Variants in PPP5C observed in about 807,000 individuals in gnomAD.
PPP5C encodes the protein serine/threonine-protein phosphatase 5.
A neutral mutation model predicts 66.7 loss-of-function variants in PPP5C; 21 were observed. The observed-to-expected ratio is 0.31, with a 90% CI of 0.22 to 0.45. The LOEUF is 0.45. Among genes scored for constraint, PPP5C ranks in the 20% least tolerant of loss-of-function variants. The pLI is 1.00. For missense variants in PPP5C, 464 were observed against 675.9 expected, an observed-to-expected ratio of 0.69 and a Z score of 3.48; for synonymous variants, 246 against 257.4, an observed-to-expected ratio of 0.96 and a Z score of 0.43.
rs921010069 is a variant in PPP5C, at chr19:46,376,993, G to C, written c.633+419G>C. Among the ~76,000 whole-genome samples, 1 of 152,194 alleles carries C rather than the reference G, an allele frequency of 6.6e-6. No homozygotes were observed. Among genetic ancestry groups the C allele is most frequent in the African/African-American group, 2.4e-5 (1 of 41,442 alleles). ...GACCTAGGAGGGCAGCTGGCCACAGGGTGTTAACTGGTTGAGTGAGACTCA... is the reference window on the plus strand; with the variant it reads ...GACCTAGGAGGGCAGCTGGCCACAGCGTGTTAACTGGTTGAGTGAGACTCA... On this transcript the variant is annotated intron_variant, in intron 4 of 12. Coordinates refer to ENST00000012443, the MANE Select transcript of PPP5C (RefSeq NM_006247.4). The surrounding 1 kb of genome is among the most constrained non-coding windows in gnomAD (Gnocchi z 5.1).
In PPP5C at chr19:46,390,521, G is replaced by A; in HGVS notation, c.*175G>A. 3 of 1,453,138 alleles carry A rather than the reference G, an allele frequency of 2.1e-6. No individual in the cohort carries two copies. The highest frequency in any genetic ancestry group is 2.7e-6 in the Non-Finnish European group (3 of 1,101,536). The allele number at this position is 1,453,138 out of a possible 1,614,324, so 90.0% of individuals were successfully genotyped here. A position where few individuals can be genotyped will look rare whatever the true frequency, so the allele number is the denominator to read the frequency against. On this transcript the variant is annotated 3_prime_UTR_variant, in exon 13 of 13. Coordinates refer to ENST00000012443, the MANE Select transcript of PPP5C (RefSeq NM_006247.4). The stretch of plus-strand genomic sequence containing the variant: ...AGAGGGGGTAGGGGCAGAGTCAGGG[G>A]CTGGCCAGAGGGTCTGCTCCCTGGA...
intron 4 of PPP5C, among the ~76,000 whole-genome samples, chr19:46,380,324 GAA>G (rs201438915): frequency 7.4e-5 from 10 of 135,594 alleles, no homozygotes; most frequent in African/African-American, 1.7e-4. Context: ...CATCTCAAAA[GAA>G]AAAAAAAAAA....
chr19:46,372,700 C>T (rs1972615357), intron 2 of PPP5C, among the ~76,000 whole-genome samples: 1 of 152,262 alleles, frequency 6.6e-6, no homozygotes, highest in Non-Finnish European at 1.5e-5. Context: ...ACTGTGGATT[C>T]ACCTGCAGTT....
chr19:46,349,572 G>A (rs1369491050), intron 1 of PPP5C, among the ~76,000 whole-genome samples: 1 of 152,126 alleles, frequency 6.6e-6, no homozygotes, highest in Non-Finnish European at 1.5e-5. Flanking sequence ...TAGAACCTTG[G>A]AAGTCAGATT....
intron 2 of PPP5C, among the ~76,000 whole-genome samples, chr19:46,354,330 G>A (rs1972246776): frequency 6.6e-6 from 1 of 152,218 alleles, no homozygotes; most frequent in Admixed American, 6.5e-5. Flanking sequence ...CGGGGTCAGT[G>A]TCCTGTGATG....
At chr19:46,364,745 G>A (rs1216302316) in intron 2 of PPP5C, among the ~76,000 whole-genome samples, 1 of 152,092 alleles carries the variant, frequency 6.6e-6, no homozygotes, top group Non-Finnish European at 1.5e-5. Flanking sequence ...GATTTGTCTG[G>A]TTCTAAATCC....
chr19:46,355,155 A>G (rs1361925927), intron 2 of PPP5C, among the ~76,000 whole-genome samples: 1 of 152,232 alleles, frequency 6.6e-6, no homozygotes, highest in East Asian at 1.9e-4. Context: ...GCCTGGCCTC[A>G]GGGCCTTATC....
chr19:46,375,345 A>G (rs2147388863), intron 2 of PPP5C, among the ~76,000 whole-genome samples: 1 of 152,378 alleles, frequency 6.6e-6, no homozygotes, highest in South Asian at 2.1e-4. Flanking sequence ...CGCAGTCCTC[A>G]GACAGGCAGT....
rs1035606650 is a variant in PPP5C, at chr19:46,380,802, A to G, written c.634-2609A>G. 2.0e-5 allele frequency among the ~76,000 whole-genome samples: 3 copies of G among 151,870 alleles called. 1 individual carries two copies. Among genetic ancestry groups the G allele is most frequent in the African/African-American group, 7.3e-5 (3 of 41,326 alleles). On this transcript the variant is annotated intron_variant, in intron 4 of 12. Transcript: ENST00000012443. The stretch of plus-strand genomic sequence containing the variant: ...AATCATTCATATCTTTGTTCTATAT[A>G]GTCTGCTTTTTTCTTCACTGGTTTT...
intron 4 of PPP5C, among the ~76,000 whole-genome samples, chr19:46,381,324 CA>C (rs1972786926): frequency 6.6e-6 from 1 of 152,152 alleles, no homozygotes; most frequent in Admixed American, 6.5e-5. Flanking sequence ...CTGATAGTTC[CA>C]TCATCTGGTT....
chr19:46,347,119 G>C lies in PPP5C; in HGVS notation c.23G>C (p.Arg8Thr), dbSNP rs564387287. 1.9e-6 allele frequency: 3 copies of C among 1,604,732 alleles called. No individual in the cohort carries two copies. Among genetic ancestry groups the C allele is most frequent in the South Asian group, 1.1e-5 (1 of 89,656 alleles). MAMAEGE[R>T]TECAEPPRDE... ...GGCATGGCGATGGCGGAGGGCGAGA[G>C]GACTGAGTGTGCTGAGCCCCCCCGG... Residue 8 changes from arginine to threonine, a missense_variant, in exon 1 of 13, where the codon AGG becomes ACG. By Grantham distance (71) the Arg-to-Thr change is moderately conservative. Around this residue, in one of 2 missense-constraint regions of PPP5C, gnomAD observed 77 missense variants for 49.9 expected, o/e 1.54. Transcript: ENST00000012443.
intron 2 of PPP5C, among the ~76,000 whole-genome samples, chr19:46,359,104 C>T (rs1470703166): frequency 6.6e-6 from 1 of 152,078 alleles, no homozygotes; most frequent in East Asian, 1.9e-4. Context: ...TGTCCCTCGT[C>T]ACTAGGAAGG....
At position 46,389,951 on chromosome 19, in the gene PPP5C, C is replaced by CCCTCTCCCTCTGTCCCTT. The variant is rs1480858972; in HGVS notation, c.1356-98_1356-81dup. 7 of 1,057,376 alleles carry CCCTCTCCCTCTGTCCCTT rather than the reference C, an allele frequency of 6.6e-6. No individual in the cohort carries two copies. In the African/African-American group the frequency reaches 9.4e-5, roughly 14 times the overall value. 65.5% of individuals were successfully genotyped at this position (1,057,376 alleles called of 1,614,324 possible). ...CTGTGTCTGTTGTGGCTCTGTCCCTCCCTCTCCCTCTGTCCCTTCTTGCCC... is the reference window on the plus strand; with the variant it reads ...CTGTGTCTGTTGTGGCTCTGTCCCTCCCTCTCCCTCTGTCCCTTCCTCTCCCTCTGTCCCTTCTTGCCC... On this transcript the variant is annotated intron_variant, in intron 11 of 12. Transcript: ENST00000012443.
Position 46,388,056 on chromosome 19 carries a change from G to A in PPP5C, c.1136-352G>A. 3.2e-6 allele frequency: 1 copy of A among 307,898 alleles called. No homozygotes were observed. The highest frequency in any genetic ancestry group is 6.1e-6 in the Non-Finnish European group (1 of 163,962). The allele number at this position is 307,898 out of a possible 1,614,324, so 19.1% of individuals were successfully genotyped here. The stretch of plus-strand genomic sequence containing the variant: ...GGGGTTCACTGGGCCCAAATCCTAT[G>A]GCGCTTTACAGGCCCCAGTGAGGAA... On this transcript the variant is annotated intron_variant, in intron 9 of 12. Transcript: ENST00000012443. This position sits in a 1 kb window ranked among gnomAD's most constrained non-coding sequence, Gnocchi z 4.9.
chr19:46,367,879 T>G (rs915192311), intron 2 of PPP5C, among the ~76,000 whole-genome samples: 2 of 152,174 alleles, frequency 1.3e-5, no homozygotes, highest in African/African-American at 2.4e-5. Flanking sequence ...TGGTGATGAA[T>G]GGAGTTTTAG....
At position 46,375,666 on chromosome 19, in the gene PPP5C, C is replaced by T. The variant is rs372807877; in HGVS notation, c.426C>T (p.Ile142=). The stretch of plus-strand genomic sequence containing the variant: ...TGAAATACCAGGAGTGCAACAAGAT[C>T]GTGAAGCAGAAGGCCTTTGAGCGGG... ...AKMKYQECNK[I]VKQKAFERAI... Residue 142 remains isoleucine, a synonymous_variant, in exon 3 of 13, where the codon ATC becomes ATT. Coordinates refer to ENST00000012443, the MANE Select transcript of PPP5C (RefSeq NM_006247.4). 2.4e-5 allele frequency: 38 copies of T among 1,613,830 alleles called. No homozygotes were observed. In the Middle Eastern group the frequency reaches 6.6e-4, roughly 28 times the overall value.
intron 1 of PPP5C, 45 bp downstream of exon 1, chr19:46,347,262 G>C: frequency 6.4e-7 from 1 of 1,558,830 alleles, no homozygotes; most frequent in Non-Finnish European, 8.7e-7. Flanking sequence ...CCAGGCTGAG[G>C]GGTGCCGGGC....
chr19:46,354,030 C>A, intron 2 of PPP5C, 41 bp downstream of exon 2: 1 of 1,601,154 alleles, frequency 6.2e-7, no homozygotes. Context: ...CTGAGCCAGG[C>A]AGATACTGAG....
intron 2 of PPP5C, 79 bp from the exon 3 acceptor site, chr19:46,375,525 C>G (rs571556366): frequency 3.8e-6 from 6 of 1,565,806 alleles, no homozygotes; most frequent in East Asian, 2.3e-5. Flanking sequence ...TTTCATGGAA[C>G]CCAGGGCTGG....
Sources: allele counts gnomAD v4.1 joint callset (sites outside exome capture counted in the v4.1 genomes callset), GRCh38; gene constraint gnomAD v4.1.1; regional missense constraint gnomAD v4.1.1; non-coding constraint Gnocchi (gnomAD v3.1); transcripts MANE v1.5; gene names NCBI Gene and HGNC (gene_info 2026-07-23, HGNC 2026-07-21).